FAT3: variants seen among roughly 807,000 people sequenced by gnomAD.
FAT3 encodes the protein protocadherin Fat 3.
Under a neutral mutation model 310.2 loss-of-function variants are expected in FAT3, and 95 were observed. That is an observed-to-expected ratio of 0.31 (90% CI 0.26 to 0.36). The LOEUF (loss-of-function observed/expected upper bound fraction) is 0.36, where lower values mean the gene tolerates loss of function less well. Among genes scored for constraint, FAT3 ranks in the 10% least tolerant of loss-of-function variants. The pLI, the probability that FAT3 is intolerant of heterozygous loss-of-function variation, is 1.00. For missense variants in FAT3, 5,408 were observed against 5,715.6 expected (o/e 0.95, Z 1.74); for synonymous variants, 2,314 against 2,192.9 (o/e 1.06, Z -1.54).
chr11:92,463,456 C>G (rs1426748964), intron 2 of FAT3, among the ~76,000 whole-genome samples: 2 of 152,168 alleles, frequency 1.3e-5, no homozygotes, highest in Non-Finnish European at 2.9e-5. Flanking sequence ...GTTCATATTT[C>G]TTACCTGTAA....
At chr11:92,665,747 T>C (rs753745758) in intron 3 of FAT3, among the ~76,000 whole-genome samples, 20 of 152,224 alleles carry the variant, frequency 1.3e-4, no homozygotes, top group African/African-American at 4.3e-4. Context: ...TCCTCTCTTC[T>C]TCATGATACT....
chr11:92,843,653 T>C (rs765839166), intron 18 of FAT3, among the ~76,000 whole-genome samples: 3 of 152,204 alleles, frequency 2.0e-5, no homozygotes, highest in Non-Finnish European at 2.9e-5. Flanking sequence ...TGTGGGCATG[T>C]TGAGTCTTGT....
chr11:92,356,595 G>A (rs972873922), intron 2 of FAT3, among the ~76,000 whole-genome samples: 2 of 152,218 alleles, frequency 1.3e-5, no homozygotes, highest in African/African-American at 4.8e-5. Context: ...AGCAGGCTTT[G>A]GTGCTTTTCT....
At chr11:92,456,700 T>A (rs1279447577) in intron 2 of FAT3, among the ~76,000 whole-genome samples, 1 of 152,216 alleles carries the variant, frequency 6.6e-6, no homozygotes, top group African/African-American at 2.4e-5. Context: ...ATTCATACTA[T>A]TTTTGTACTT....
chr11:92,546,428 T>G (rs1954621049), intron 3 of FAT3, among the ~76,000 whole-genome samples: 1 of 152,218 alleles, frequency 6.6e-6, no homozygotes, highest in South Asian at 2.1e-4. Flanking sequence ...TTAACAGCAA[T>G]TCATACTCTG....
rs1950036401 is a variant in FAT3 at position 92,896,417 on chromosome 11, C to T, written c.*5304C>T. On this transcript the variant is annotated 3_prime_UTR_variant, in exon 28 of 28. Transcript: ENST00000525166. The stretch of plus-strand genomic sequence containing the variant: ...AACACAACAGTGTACAGGTTTGTAA[C>T]TGCCAAAATTTGATGGTTAAAACAA... 2 of 150,208 alleles carry T rather than the reference C, an allele frequency of 1.3e-5. No homozygotes were observed. The highest frequency in any genetic ancestry group is 4.9e-5 in the African/African-American group (2 of 40,930). The allele number at this position is 150,208 out of a possible 1,614,324, so 9.3% of individuals were successfully genotyped here.
At chr11:92,284,226 A>G (rs1367628389) in intron 1 of FAT3, among the ~76,000 whole-genome samples, 2 of 152,094 alleles carry the variant, frequency 1.3e-5, no homozygotes, top group African/African-American at 2.4e-5. Flanking sequence ...GGAAAACATT[A>G]TGGCAATGGA....
chr11:92,617,277 G>A (rs945375114), intron 3 of FAT3, among the ~76,000 whole-genome samples: 1 of 152,092 alleles, frequency 6.6e-6, no homozygotes, highest in Non-Finnish European at 1.5e-5. Flanking sequence ...ATTAGCTACT[G>A]AAGCTCATGC....
In FAT3 at chr11:92,342,187, G is replaced by C. The variant is rs1224021257; in HGVS notation, c.-17-9909G>C. ...ATAAGTCCTCCACAAACTTCAGGAT[G>C]TCTTATCATTTGTTACATCTTTTCT... On this transcript the variant is annotated intron_variant, in intron 1 of 27. Coordinates refer to ENST00000525166, the MANE Select transcript of FAT3 (RefSeq NM_001367949.2). Among the ~76,000 whole-genome samples, 2 of 152,244 alleles carry C rather than the reference G, an allele frequency of 1.3e-5. 1 individual carries two copies. The highest frequency in any genetic ancestry group is 1.3e-4 in the Admixed American group (2 of 15,280).
chr11:92,880,591 AATTTGC>A lies in FAT3; in HGVS notation c.12128-139_12128-134del, dbSNP rs1949651198. On this transcript the variant is annotated intron_variant, in intron 22 of 27. Transcript: ENST00000525166. ...TTGTGGCAAGATGTTTCAAGCAATC[AATTTGC>A]TAACCACCTTTGGAATTTGGGCCCT... 4.2e-6 allele frequency: 4 copies of A among 962,920 alleles called. No individual in the cohort carries two copies. The Admixed American group carries it at 8.2e-5, about 20-fold the overall frequency. The allele number at this position is 962,920 out of a possible 1,614,324, so 59.6% of individuals were successfully genotyped here. A position where few individuals can be genotyped will look rare whatever the true frequency, so the allele number is the denominator to read the frequency against.
rs769860923 is a variant in FAT3 at position 92,762,056 on chromosome 11, A to T, written c.3870A>T (p.Glu1290Asp). ...ATAGAGATGAGGGCCCCAACGCAGAAATCTCCTACAGTATTGTGGATGGGA... is the reference window on the plus strand; with the variant it reads ...ATAGAGATGAGGGCCCCAACGCAGATATCTCCTACAGTATTGTGGATGGGA... ...AFDRDEGPNA[E>D]ISYSIVDGND... Residue 1290 changes from glutamate (E) to aspartate (D), a missense_variant, in exon 5 of 28, where the codon GAA (glutamate) becomes GAT (aspartate). This residue lies in a region of FAT3 where 4,588 missense variants were observed against 4,809.8 expected (regional missense o/e 0.95). Coordinates refer to ENST00000525166, the MANE Select transcript of FAT3 (RefSeq NM_001367949.2). 3.7e-6 allele frequency: 6 copies of T among 1,613,984 alleles called. No homozygotes were observed. Among genetic ancestry groups the T allele is most frequent in the Non-Finnish European group, 5.1e-6 (6 of 1,179,886 alleles).
chr11:92,304,948 C>G (rs1454110080), intron 1 of FAT3, among the ~76,000 whole-genome samples: 1 of 152,106 alleles, frequency 6.6e-6, no homozygotes, highest in Non-Finnish European at 1.5e-5. Context: ...TTTCTGAATT[C>G]AATTCTGGAC....
At chr11:92,724,498 A>G (rs1944944882) in intron 4 of FAT3, among the ~76,000 whole-genome samples, 1 of 152,220 alleles carries the variant, frequency 6.6e-6, no homozygotes, top group South Asian at 2.1e-4. Flanking sequence ...AGTCAATTTC[A>G]TAGTCAATCA....
chr11:92,642,453 CA>C (rs1941999005), intron 3 of FAT3, among the ~76,000 whole-genome samples: 1 of 152,210 alleles, frequency 6.6e-6, no homozygotes, highest in Non-Finnish European at 1.5e-5. Flanking sequence ...GGGCCCCACA[CA>C]ACCATTTGAC....
chr11:92,561,452 G>C (rs972744370), intron 3 of FAT3, among the ~76,000 whole-genome samples: 5 of 152,136 alleles, frequency 3.3e-5, no homozygotes, highest in Admixed American at 3.3e-4. Context: ...AAATACTTGA[G>C]AGTACTGAAA....
intron 2 of FAT3, among the ~76,000 whole-genome samples, chr11:92,430,894 T>A (rs1950753196): frequency 6.6e-6 from 1 of 152,198 alleles, no homozygotes; most frequent in Admixed American, 6.5e-5. Flanking sequence ...CCACATTTTC[T>A]TAATCCAGTC....
chr11:92,394,782 AATTTGTTATT>A (rs1949829930), intron 2 of FAT3, among the ~76,000 whole-genome samples: 1 of 152,192 alleles, frequency 6.6e-6, no homozygotes. Context: ...AATAGGAAAA[AATTTGTTATT>A]ATAGATGCCA....
At chr11:92,626,887 C>G (rs1268398339) in intron 3 of FAT3, among the ~76,000 whole-genome samples, 1 of 152,058 alleles carries the variant, frequency 6.6e-6, no homozygotes, top group Non-Finnish European at 1.5e-5. Context: ...GAGGGAGCCC[C>G]CATCATTAAT....
intron 2 of FAT3, among the ~76,000 whole-genome samples, chr11:92,476,065 G>A (rs1396133423): frequency 6.6e-6 from 1 of 151,900 alleles, no homozygotes; most frequent in Non-Finnish European, 1.5e-5. Context: ...GTGAGTGTGT[G>A]AGTGTGTGTG....
Sources: allele counts gnomAD v4.1 joint callset (sites outside exome capture counted in the v4.1 genomes callset), GRCh38; gene constraint gnomAD v4.1.1; regional missense constraint gnomAD v4.1.1; transcripts MANE v1.5; gene names NCBI Gene and HGNC (gene_info 2026-07-23, HGNC 2026-07-21).